The following DYNC2H1 variants were observed in gnomAD, a reference collection of about 807,000 sequenced individuals.
DYNC2H1 encodes the protein cytoplasmic dynein 2 heavy chain 1.
DYNC2H1 carries 410 observed loss-of-function variants against 570.0 expected under a neutral mutation model. The ratio of observed to expected loss-of-function variants is 0.72; its 90% CI spans 0.66 to 0.78. The LOEUF is 0.78. Among genes scored for constraint, DYNC2H1 ranks in the 30% least tolerant of loss-of-function variants. DYNC2H1 has a pLI of 0.00. For missense variants in DYNC2H1, 4,865 were observed against 5,046.4 expected, an observed-to-expected ratio of 0.96 and a Z score of 1.09; for synonymous variants, 1,688 against 1,677.6, an observed-to-expected ratio of 1.01 and a Z score of -0.15.
rs202120495 is a variant in DYNC2H1, at chr11:103,188,629, G to A, written c.7273G>A (p.Val2425Ile). ...ACTTACTACCAGATTTACTTCCATC[G>A]TTCGTCTTTGTTCTATAGAGTATGT... ...HKLTTRFTSI[V>I]RLCSIDYPER... The change falls in exon 44 of 89, where the codon GTT (valine) becomes ATT (isoleucine). Residue 2425 changes from valine to isoleucine, a missense_variant. Val to Ile is a conservative substitution (Grantham distance 29). Transcript: ENST00000375735. The A allele has an allele frequency of 2.3e-5, 37 of 1,606,590 alleles. No individual in the cohort carries two copies. The highest frequency in any genetic ancestry group is 9.4e-5 in the African/African-American group (7 of 74,840).
At chr11:103,450,841 A>G (rs627859) in intron 85 of DYNC2H1, among the ~76,000 whole-genome samples, 54,124 of 152,020 alleles carry the variant, frequency 0.36, 10,223 homozygotes, top group African/African-American at 0.48. Context: ...TTAATAGGCT[A>G]TAGGCTAGAC....
chr11:103,432,617 A>G (rs567603685), intron 84 of DYNC2H1, among the ~76,000 whole-genome samples: 16 of 152,268 alleles, frequency 1.1e-4, no homozygotes, highest in African/African-American at 3.1e-4. Flanking sequence ...CATCATTTCC[A>G]TGGTCTAAAA....
intron 70 of DYNC2H1, among the ~76,000 whole-genome samples, chr11:103,265,131 T>C (rs184447031): frequency 3.6e-4 from 55 of 152,234 alleles, no homozygotes; most frequent in African/African-American, 1.3e-3. Context: ...AAACACCACA[T>C]GTTCTCACAC....
Position 103,109,849 on chromosome 11 carries a change from C to T in DYNC2H1, c.195+80C>T, listed in dbSNP as rs1327145924. ...CCAGCCAGAGGGACGTCGGGTCACA[C>T]TCTTTAGCTTTACCAACCAGATCCT... On this transcript the variant is annotated intron_variant, in intron 1 of 88. Coordinates refer to ENST00000375735, the MANE Select transcript of DYNC2H1 (RefSeq NM_001377.3). The T allele has an allele frequency of 4.9e-6, 7 of 1,416,756 alleles. No homozygotes were observed. The East Asian group carries it at 1.7e-4, about 34-fold the overall frequency. 87.8% of individuals were successfully genotyped at this position (1,416,756 alleles called of 1,614,324 possible).
At chr11:103,331,020 A>G (rs1309413668) in intron 82 of DYNC2H1, among the ~76,000 whole-genome samples, 2 of 152,208 alleles carry the variant, frequency 1.3e-5, no homozygotes, top group East Asian at 1.9e-4. Flanking sequence ...CTGCAAATTT[A>G]TAACTTTCTT....
chr11:103,458,640 G>A (rs112803167), intron 87 of DYNC2H1, among the ~76,000 whole-genome samples: 6 of 148,952 alleles, frequency 4.0e-5, no homozygotes, highest in African/African-American at 1.3e-4. Context: ...TATTTCTTTC[G>A]TAGTACAAAT....
chr11:103,440,655 G>A (rs190344870), intron 85 of DYNC2H1, among the ~76,000 whole-genome samples: 265 of 152,188 alleles, frequency 1.7e-3, no homozygotes, highest in Non-Finnish European at 3.1e-3. Context: ...AACTAAATAA[G>A]CAATAACAAC....
intron 55 of DYNC2H1, among the ~76,000 whole-genome samples, 165 bp from the exon 56 acceptor site, chr11:103,219,750 C>T (rs940029070): frequency 1.6e-4 from 24 of 152,194 alleles, no homozygotes; most frequent in African/African-American, 5.5e-4. Context: ...TAAAATATAT[C>T]ATTGGTTTCC....
chr11:103,355,984 G>A (rs532301989), intron 82 of DYNC2H1, among the ~76,000 whole-genome samples: 1 of 152,242 alleles, frequency 6.6e-6, no homozygotes, highest in East Asian at 1.9e-4. Flanking sequence ...TGGTAGGATT[G>A]CAAGTGTGAA....
chr11:103,417,097 G>A (rs1041494396), intron 84 of DYNC2H1, among the ~76,000 whole-genome samples: 4 of 152,112 alleles, frequency 2.6e-5, no homozygotes, highest in Admixed American at 1.3e-4. Flanking sequence ...ACACCAGTTA[G>A]AATGATGGAG....
At chr11:103,417,271 G>T (rs922726274) in intron 84 of DYNC2H1, among the ~76,000 whole-genome samples, 1 of 150,752 alleles carries the variant, frequency 6.6e-6, no homozygotes, top group African/African-American at 2.5e-5. Flanking sequence ...GTTGAGACGG[G>T]GTTTCACCAT....
intron 84 of DYNC2H1, among the ~76,000 whole-genome samples, chr11:103,416,100 T>TGAAATCACC (rs1286915620): frequency 6.6e-6 from 1 of 152,068 alleles, no homozygotes. Flanking sequence ...AATTGAACAT[T>TGAAATCACC]GAAATCACCT....
rs753685866 is a variant in DYNC2H1, at chr11:103,241,904, C to T, written c.9820-1789C>T. ...AAAGCTGTTTTAAAGTCGTTCTTCT[C>T]TTTAATATCACCGTGTGCTAGCAAT... On this transcript the variant is annotated intron_variant, in intron 63 of 88. Transcript: ENST00000375735. The surrounding 1 kb of genome is among the most constrained non-coding windows in gnomAD (Gnocchi z 5.1). Among the ~76,000 whole-genome samples the T allele has an allele frequency of 3.9e-4, 59 of 152,102 alleles. No individual in the cohort carries two copies. Among genetic ancestry groups the T allele is most frequent in the Non-Finnish European group, 7.2e-4 (49 of 68,000 alleles).
chr11:103,131,721 A>AT (rs911586912), intron 13 of DYNC2H1, among the ~76,000 whole-genome samples: 37 of 149,752 alleles, frequency 2.5e-4, no homozygotes, highest in Middle Eastern at 3.4e-3. Context: ...CATATTTGAC[A>AT]TTTTTTTTTT....
chr11:103,423,076 T>C (rs1392989034), intron 84 of DYNC2H1, among the ~76,000 whole-genome samples: 1 of 151,274 alleles, frequency 6.6e-6, no homozygotes, highest in African/African-American at 2.4e-5. Context: ...GAGAAAAAAA[T>C]GGAAGGTCTT....
chr11:103,475,947 G>GA (rs996549329), intron 88 of DYNC2H1, among the ~76,000 whole-genome samples: 8 of 152,102 alleles, frequency 5.3e-5, no homozygotes, highest in African/African-American at 1.9e-4. Flanking sequence ...AGAAGTAATG[G>GA]AAAACAAAGC....
At chr11:103,120,887 C>G (rs549096788) in intron 8 of DYNC2H1, 38 bp from the exon 9 acceptor site, 29 of 1,244,252 alleles carry the variant, frequency 2.3e-5, no homozygotes, top group Non-Finnish European at 2.8e-5. Flanking sequence ...TGAGTTGATC[C>G]GTTGGGATGA....
intron 20 of DYNC2H1, 59 bp from the exon 21 acceptor site, chr11:103,152,077 T>C: frequency 7.1e-7 from 1 of 1,415,916 alleles, no homozygotes; most frequent in Non-Finnish European, 9.5e-7. Flanking sequence ...AAATGAAATC[T>C]TAAGAGATTT....
intron 75 of DYNC2H1, among the ~76,000 whole-genome samples, chr11:103,288,291 C>T (rs1866432364): frequency 6.6e-6 from 1 of 151,864 alleles, no homozygotes; most frequent in African/African-American, 2.4e-5. Context: ...AGAGTCGAAT[C>T]GAAACCACCT....
Sources: allele counts gnomAD v4.1 joint callset (sites outside exome capture counted in the v4.1 genomes callset), GRCh38; gene constraint gnomAD v4.1.1; non-coding constraint Gnocchi (gnomAD v3.1); transcripts MANE v1.5; gene names NCBI Gene and HGNC (gene_info 2026-07-23, HGNC 2026-07-21).